Variants in SDAD1 observed in about 807,000 individuals in gnomAD.
SDAD1 encodes the protein SDA1 domain containing 1.
In SDAD1, 79 loss-of-function variants were observed where a neutral mutation model predicts 100.3. The observed-to-expected ratio is 0.79, with a 90% CI of 0.66 to 0.95. SDAD1 has a LOEUF of 0.95. SDAD1 is among the 40% of genes least tolerant of loss of function. The pLI is 0.00. For missense variants in SDAD1, 790 were observed against 810.9 expected, an observed-to-expected ratio of 0.97 and a Z score of 0.31; for synonymous variants, 267 against 271.4, an observed-to-expected ratio of 0.98 and a Z score of 0.16.
At chr4:75,984,703 T>G (rs1343413362) in intron 1 of SDAD1, among the ~76,000 whole-genome samples, 3 of 151,816 alleles carry the variant, frequency 2.0e-5, no homozygotes, top group Admixed American at 1.3e-4. Flanking sequence ...CACAGTTCCA[T>G]GCCTTACAGC....
chr4:75,979,274 G>C (rs191659920), intron 3 of SDAD1, among the ~76,000 whole-genome samples: 23 of 151,940 alleles, frequency 1.5e-4, no homozygotes, highest in African/African-American at 5.3e-4. Context: ...ACAAAATCTT[G>C]GGAATGATTC....
intron 13 of SDAD1, 67 bp downstream of exon 13, chr4:75,965,697 C>A: frequency 7.4e-7 from 1 of 1,342,618 alleles, no homozygotes; most frequent in South Asian, 1.2e-5. Context: ...CCGATAGACC[C>A]TGAAGTACCT....
At chr4:75,954,114 G>A (rs1427789612) in intron 21 of SDAD1, among the ~76,000 whole-genome samples, 1 of 152,066 alleles carries the variant, frequency 6.6e-6, no homozygotes, top group Non-Finnish European at 1.5e-5. Flanking sequence ...CGCGGTAGTA[G>A]CTCACGCCTG....
At position 75,969,344 on chromosome 4, in the gene SDAD1, C is replaced by A. The variant is rs1729733869; in HGVS notation, c.939G>T (p.Val313=). Residue 313 remains valine (V), a synonymous_variant, in exon 11 of 22, where the codon GTG becomes GTT. Coordinates refer to ENST00000356260, the MANE Select transcript of SDAD1 (RefSeq NM_018115.4). ...AGATAAGGTTCATGAGCATCATCTT[C>A]ACTTCAAACCTCTCCTTACAGCACT... ...QLECCKERFE[V]KMMLMNLISR... The A allele has an allele frequency of 6.2e-7, 1 of 1,613,760 alleles. No individual in the cohort carries two copies. The highest frequency in any genetic ancestry group is 1.1e-5 in the South Asian group (1 of 91,030).
chr4:75,967,442 G>GT, intron 11 of SDAD1, 108 bp from the exon 12 acceptor site: 2 of 997,824 alleles, frequency 2.0e-6, no homozygotes, highest in South Asian at 1.4e-5. Context: ...GAACACTTTT[G>GT]TTTTTTTCTC....
intron 14 of SDAD1, among the ~76,000 whole-genome samples, chr4:75,962,769 G>A (rs1161993927): frequency 6.6e-6 from 1 of 152,024 alleles, no homozygotes; most frequent in African/African-American, 2.4e-5. Flanking sequence ...TTTGTTTAAG[G>A]TCTTTGTAGA....
intron 3 of SDAD1, among the ~76,000 whole-genome samples, chr4:75,980,122 T>C (rs1730413693): frequency 6.6e-6 from 1 of 152,214 alleles, no homozygotes; most frequent in Admixed American, 6.5e-5. Flanking sequence ...CAAATCTCTA[T>C]GACCTACAAG....
intron 1 of SDAD1, among the ~76,000 whole-genome samples, chr4:75,986,590 C>A (rs975279185): frequency 6.6e-6 from 1 of 152,164 alleles, no homozygotes; most frequent in Non-Finnish European, 1.5e-5. Flanking sequence ...GATTCTAAAC[C>A]CTGTAATGTC....
intron 1 of SDAD1, among the ~76,000 whole-genome samples, chr4:75,982,752 G>C (rs1410962592): frequency 6.6e-6 from 1 of 152,096 alleles, no homozygotes; most frequent in African/African-American, 2.4e-5. Flanking sequence ...TATATCTCAA[G>C]TACATGAAGC....
In SDAD1 at chr4:75,965,840, C is replaced by G. The variant is rs764405372; in HGVS notation, c.1046-18G>C. ...GGTTACTTCTGAAAACATAAGAGAACAGAAAGGTCATGGTCAGTGTATCAC... is the reference window on the plus strand; with the variant it reads ...GGTTACTTCTGAAAACATAAGAGAAGAGAAAGGTCATGGTCAGTGTATCAC... On this transcript the variant is annotated intron_variant, in intron 12 of 21. Coordinates refer to ENST00000356260, the MANE Select transcript of SDAD1 (RefSeq NM_018115.4). The G allele has an allele frequency of 1.9e-6, 3 of 1,610,918 alleles. No homozygotes were observed. The highest frequency in any genetic ancestry group is 2.5e-6 in the Non-Finnish European group (3 of 1,177,732).
At chr4:75,974,004 G>A in intron 7 of SDAD1, 72 bp downstream of exon 7, 2 of 1,303,472 alleles carry the variant, frequency 1.5e-6, no homozygotes, top group African/African-American at 1.5e-5. Context: ...GCTGAGTGAT[G>A]CTTTCTTCTA....
At chr4:75,982,161 A>C in intron 1 of SDAD1, 124 bp from the exon 2 acceptor site, 1 of 606,582 alleles carries the variant, frequency 1.6e-6, no homozygotes, top group Non-Finnish European at 2.8e-6. Flanking sequence ...ATAATGCAAA[A>C]GTATATAAAA....
At chr4:75,967,692 T>C (rs1012875186) in intron 11 of SDAD1, among the ~76,000 whole-genome samples, 5 of 152,202 alleles carry the variant, frequency 3.3e-5, no homozygotes, top group African/African-American at 9.7e-5. Context: ...AGGAACAGCA[T>C]TGATACCAAG....
Position 75,957,585 on chromosome 4 carries a change from GTTCTT to G in SDAD1, c.1697_1701del (p.Lys566ThrfsTer2). On this transcript the variant is annotated frameshift_variant, in exon 19 of 22. Coordinates refer to ENST00000356260, the MANE Select transcript of SDAD1 (RefSeq NM_018115.4). LOFTEE classifies it high-confidence loss of function. ...TGGGATTTCCCGGGGGCAGCATCAAGTTCTTTTCTCATTTGGGCCATGCGGATTTT... is the reference window on the plus strand; with the variant it reads ...TGGGATTTCCCGGGGGCAGCATCAAGTTCTCATTTGGGCCATGCGGATTTT... 6.2e-7 allele frequency: 1 copy of G among 1,614,174 alleles called. No homozygotes were observed. The highest frequency in any genetic ancestry group is 8.5e-7 in the Non-Finnish European group (1 of 1,180,030).
chr4:75,950,795 C>A lies in SDAD1; in HGVS notation c.2019G>T (p.Leu673Phe). 1 of 1,578,274 alleles carries A rather than the reference C, an allele frequency of 6.3e-7. No individual in the cohort carries two copies. Among genetic ancestry groups the A allele is most frequent in the South Asian group, 1.1e-5 (1 of 87,748 alleles). ...KNKRSFREKQ[L>F]ALRDALLKKR... ...TTTTCAAAAGTGCATCTCGTAGTGC[C>A]AACTGTAAGATAAAAAAGTATTGAA... The change falls in exon 22 of 22, where the codon TTG becomes TTT. Residue 673 changes from leucine (L) to phenylalanine (F), a missense_variant and splice_region_variant. Coordinates refer to ENST00000356260, the MANE Select transcript of SDAD1 (RefSeq NM_018115.4).
intron 21 of SDAD1, among the ~76,000 whole-genome samples, chr4:75,952,180 C>T (rs574076727): frequency 6.6e-6 from 1 of 152,328 alleles, no homozygotes; most frequent in African/African-American, 2.4e-5. Flanking sequence ...TTATTTTCCT[C>T]ATCTGCAAAA....
intron 21 of SDAD1, among the ~76,000 whole-genome samples, chr4:75,954,939 G>A (rs1245263913): frequency 1.3e-5 from 2 of 152,152 alleles, no homozygotes; most frequent in South Asian, 2.1e-4. Context: ...GCTCTTGTAG[G>A]TCTCTTCAAG....
chr4:75,968,359 A>G (rs927741870), intron 11 of SDAD1, among the ~76,000 whole-genome samples: 3 of 152,184 alleles, frequency 2.0e-5, no homozygotes, highest in Admixed American at 6.6e-5. Flanking sequence ...ATATATGTCT[A>G]TATTGTTTGA....
At chr4:75,977,856 A>T (rs1019672297) in intron 3 of SDAD1, 100 bp from the exon 4 acceptor site, 1 of 697,872 alleles carries the variant, frequency 1.4e-6, no homozygotes, top group African/African-American at 1.8e-5. Flanking sequence ...TTTACTAACT[A>T]GACACTATTG....
Sources: allele counts gnomAD v4.1 joint callset (sites outside exome capture counted in the v4.1 genomes callset), GRCh38; gene constraint gnomAD v4.1.1; transcripts MANE v1.5; gene names NCBI Gene and HGNC (gene_info 2026-07-23, HGNC 2026-07-21).